The following MACROD2 variants were observed in gnomAD, a reference collection of about 807,000 sequenced individuals.
MACROD2 encodes ADP-ribose glycohydrolase MACROD2.
MACROD2 carries 36 observed loss-of-function variants against 70.4 expected under a neutral mutation model. The observed-to-expected ratio is 0.51, with a 90% CI of 0.39 to 0.68. The LOEUF (loss-of-function observed/expected upper bound fraction) is 0.68. Ranked by LOEUF, MACROD2 falls within the 30% of genes least tolerant of loss-of-function variation. The pLI is 0.00. For missense variants in MACROD2, 496 were observed against 538.4 expected (o/e 0.92, Z 0.78); for synonymous variants, 172 against 178.8 (o/e 0.96, Z 0.30).
At chr20:14,249,343 C>T (rs2081992412) in intron 3 of MACROD2, among the ~76,000 whole-genome samples, 1 of 151,554 alleles carries the variant, frequency 6.6e-6, no homozygotes, top group Non-Finnish European at 1.5e-5. Context: ...AAAAGTGATC[C>T]GATGAGGTGG....
intron 12 of MACROD2, among the ~76,000 whole-genome samples, chr20:15,963,603 A>G (rs1281123423): frequency 6.6e-6 from 1 of 152,144 alleles, no homozygotes; most frequent in Non-Finnish European, 1.5e-5. Flanking sequence ...AGCAGGAATC[A>G]AGCTCAGTAG....
intron 8 of MACROD2, among the ~76,000 whole-genome samples, chr20:15,719,891 A>G (rs963441485): frequency 2.6e-5 from 4 of 151,794 alleles, no homozygotes; most frequent in Admixed American, 6.6e-5. Context: ...GGACATCACT[A>G]CTTACTCTTT....
intron 10 of MACROD2, among the ~76,000 whole-genome samples, chr20:15,919,126 A>G (rs1279169884): frequency 6.6e-6 from 1 of 152,186 alleles, no homozygotes; most frequent in Non-Finnish European, 1.5e-5. Flanking sequence ...ATTCCTTTAC[A>G]TTTATCCAAA....
chr20:14,423,504 C>T (rs1348000886), intron 3 of MACROD2, among the ~76,000 whole-genome samples: 13 of 151,450 alleles, frequency 8.6e-5, no homozygotes, highest in Non-Finnish European at 2.9e-5. Flanking sequence ...TCGAGACCAC[C>T]CTGTCTAACA....
chr20:15,514,085 A>G (rs1314720531), intron 8 of MACROD2, among the ~76,000 whole-genome samples: 2 of 152,254 alleles, frequency 1.3e-5, no homozygotes, highest in African/African-American at 4.8e-5. Context: ...TTGTGCAGCT[A>G]TAAAATGTGT....
chr20:14,830,902 T>C (rs1408684170), intron 5 of MACROD2, among the ~76,000 whole-genome samples: 1 of 152,174 alleles, frequency 6.6e-6, no homozygotes, highest in Non-Finnish European at 1.5e-5. Context: ...TCATGAGTCT[T>C]AAATTTATCC....
intron 7 of MACROD2, among the ~76,000 whole-genome samples, chr20:15,480,955 G>A (rs73614417): frequency 8.5e-6 from 1 of 117,958 alleles, no homozygotes; most frequent in Non-Finnish European, 2.0e-5. Flanking sequence ...CCATGCCTGT[G>A]TCTTCGTAAG....
chr20:16,052,419 A>C lies in MACROD2; in HGVS notation c.*2543A>C, dbSNP rs1228628. ...TGTCAATTTCCAACCAAACTCCAAT[A>C]CAGCTATGTGGCATGAAGAGTTACA... On this transcript the variant is annotated 3_prime_UTR_variant, in exon 18 of 18. Coordinates refer to ENST00000684519, the MANE Select transcript of MACROD2 (RefSeq NM_001351661.2). 0.91 allele frequency: 138,821 copies of C among 152,210 alleles called. 63,422 individuals are homozygous for C. Among genetic ancestry groups the C allele is most frequent in the East Asian group, 0.97 (4,989 of 5,168 alleles). The allele number at this position is 152,210 out of a possible 1,614,324, so 9.4% of individuals were successfully genotyped here.
rs2082730274 is a variant in MACROD2, at chr20:14,326,133, T to C, written c.272-167346T>C. The C allele has an allele frequency of 3.1e-6, 5 of 1,613,784 alleles. No homozygotes were observed. The highest frequency in any genetic ancestry group is 1.7e-5 in the Admixed American group (1 of 59,970). On this transcript the variant is annotated intron_variant, in intron 3 of 17. Coordinates refer to ENST00000684519, the MANE Select transcript of MACROD2 (RefSeq NM_001351661.2). The surrounding 1 kb of genome is among the most constrained non-coding windows in gnomAD (Gnocchi z 5.5). The stretch of plus-strand genomic sequence containing the variant: ...TGACCAAGTACTCACTGCGTTCCCC[T>C]GTTACAATTGTTTCTGTTATAGATC...
intron 6 of MACROD2, among the ~76,000 whole-genome samples, chr20:15,234,443 A>T (rs2076995911): frequency 1.3e-5 from 2 of 152,062 alleles, no homozygotes; most frequent in Admixed American, 1.3e-4. Context: ...GAGTGGGAAT[A>T]AAAGAAAACT....
chr20:15,551,337 T>TAAA (rs149415845), intron 8 of MACROD2, among the ~76,000 whole-genome samples: 7,278 of 143,476 alleles, frequency 0.051, 581 homozygotes, highest in African/African-American at 0.17. Context: ...ATTTAATATT[T>TAAA]AAAAAAAAAA....
chr20:15,878,474 A>G (rs2064707051), intron 9 of MACROD2, among the ~76,000 whole-genome samples: 1 of 152,138 alleles, frequency 6.6e-6, no homozygotes, highest in Middle Eastern at 3.2e-3. Flanking sequence ...CGTTCAGATG[A>G]TAGTGGTGCT....
In MACROD2 at chr20:14,366,555, T is replaced by C. The variant is rs190803307; in HGVS notation, c.272-126924T>C. 3.9e-5 allele frequency among the ~76,000 whole-genome samples: 6 copies of C among 151,956 alleles called. No individual in the cohort carries two copies. In the East Asian group the frequency reaches 1.2e-3, roughly 30 times the overall value. ...CTAATTTTTTTTATTTTAGTAGAGA[T>C]GGGGTTTCACCATGTTGGCCAGGAT... On this transcript the variant is annotated intron_variant, in intron 3 of 17. Coordinates refer to ENST00000684519, the MANE Select transcript of MACROD2 (RefSeq NM_001351661.2).
chr20:14,528,385 C>T (rs1347758014), intron 4 of MACROD2, among the ~76,000 whole-genome samples: 1 of 150,920 alleles, frequency 6.6e-6, no homozygotes, highest in Non-Finnish European at 1.5e-5. Context: ...AACTCCAGAC[C>T]TCTGGTGATC....
chr20:15,727,579 G>A (rs2050883910), intron 8 of MACROD2, among the ~76,000 whole-genome samples: 1 of 152,092 alleles, frequency 6.6e-6, no homozygotes, highest in Non-Finnish European at 1.5e-5. Context: ...AGCATGGAAT[G>A]TTTTTCCATT....
At chr20:15,444,056 C>T (rs930507615) in intron 7 of MACROD2, among the ~76,000 whole-genome samples, 4 of 152,172 alleles carry the variant, frequency 2.6e-5, no homozygotes, top group Non-Finnish European at 4.4e-5. Flanking sequence ...AGAAATCCCA[C>T]ATTAGCTGTC....
At chr20:15,155,472 A>T (rs2076300721) in intron 5 of MACROD2, among the ~76,000 whole-genome samples, 1 of 151,896 alleles carries the variant, frequency 6.6e-6, no homozygotes, top group African/African-American at 2.4e-5. Flanking sequence ...TGAACTGCCC[A>T]CCCTGCTACT....
intron 6 of MACROD2, among the ~76,000 whole-genome samples, chr20:15,387,923 A>T (rs957687450): frequency 4.0e-5 from 6 of 150,806 alleles, no homozygotes; most frequent in Non-Finnish European, 5.9e-5. Context: ...GTATTTATTT[A>T]TTTTTTTTGT....
At chr20:15,698,923 A>G (rs2050414995) in intron 8 of MACROD2, among the ~76,000 whole-genome samples, 1 of 152,080 alleles carries the variant, frequency 6.6e-6, no homozygotes, top group South Asian at 2.1e-4. Flanking sequence ...AAGCTTCCTG[A>G]ATTTTTTATT....
Sources: allele counts gnomAD v4.1 joint callset (sites outside exome capture counted in the v4.1 genomes callset), GRCh38; gene constraint gnomAD v4.1.1; non-coding constraint Gnocchi (gnomAD v3.1); transcripts MANE v1.5; gene names NCBI Gene and HGNC (gene_info 2026-07-23, HGNC 2026-07-21).